Variants in CHD1L observed in about 807,000 individuals in gnomAD.
CHD1L encodes ATP-dependent chromatin remodeler CHD1L.
In CHD1L, 118 loss-of-function variants were observed where a neutral mutation model predicts 115.9. The ratio of observed to expected loss-of-function variants is 1.02; its 90% confidence interval spans 0.88 to 1.19. The LOEUF is 1.19. Among genes scored for constraint, CHD1L ranks in the 50% most tolerant of loss-of-function variants. The pLI is 0.00. For missense variants in CHD1L, 1,179 were observed against 1,065.3 expected (o/e 1.11, Z -1.49); for synonymous variants, 411 against 387.1 (o/e 1.06, Z -0.72).
At chr1:147,276,905 C>G (rs1197907951) in intron 14 of CHD1L, among the ~76,000 whole-genome samples, 3 of 152,160 alleles carry the variant, frequency 2.0e-5, no homozygotes, top group African/African-American at 7.2e-5. Flanking sequence ...AAGAGACCAA[C>G]TCCTAGGATA....
chr1:147,219,398 C>CTT, the CHD1L span, among the ~76,000 whole-genome samples: 1 of 151,830 alleles, frequency 6.6e-6, no homozygotes, highest in Non-Finnish European at 1.5e-5. Context: ...CTTTCTTTTT[C>CTT]TTTTATTTTT....
At position 147,295,334 on chromosome 1, in the gene CHD1L, T is replaced by G. The variant is rs1473459686; in HGVS notation, c.2616-97T>G. Reference sequence around the variant, plus strand: ...CGTGAGAGAATTAAAGCATACTACTTCTAGAACAGTTATTTCAATAATTAC... The same window carrying G: ...CGTGAGAGAATTAAAGCATACTACTGCTAGAACAGTTATTTCAATAATTAC... On this transcript the variant is annotated intron_variant, in intron 22 of 22. Coordinates refer to ENST00000369258, the MANE Select transcript of CHD1L (RefSeq NM_004284.6). 3 of 808,050 alleles carry G rather than the reference T, an allele frequency of 3.7e-6. No individual in the cohort carries two copies. In the East Asian group the frequency reaches 7.3e-5, roughly 20 times the overall value. The allele number at this position is 808,050 out of a possible 1,614,324, so 50.1% of individuals were successfully genotyped here.
At chr1:147,223,064 A>G in the CHD1L span, among the ~76,000 whole-genome samples, 2 of 152,238 alleles carry the variant, frequency 1.3e-5, no homozygotes, top group African/African-American at 4.8e-5. Flanking sequence ...AGTGGATACT[A>G]TTATTATCCA....
chr1:147,213,483 G>C, the CHD1L span: 2 of 1,590,092 alleles, frequency 1.3e-6, no homozygotes, highest in Non-Finnish European at 1.7e-6. Flanking sequence ...GAAAAGAAAA[G>C]TGATAACCAC....
At chr1:147,284,094 T>G (rs187380012) in intron 15 of CHD1L, among the ~76,000 whole-genome samples, 21 of 152,282 alleles carry the variant, frequency 1.4e-4, no homozygotes, top group African/African-American at 4.8e-4. Flanking sequence ...CAGCAGAGAT[T>G]CACAAACCAT....
the CHD1L span, chr1:147,201,118 A>T: frequency 6.9e-7 from 1 of 1,449,606 alleles, no homozygotes; most frequent in African/African-American, 1.4e-5. Context: ...CATATCACCA[A>T]GTAATTAAGT....
At position 147,271,046 on chromosome 1, in the gene CHD1L, G is replaced by A. The variant is rs782015466; in HGVS notation, c.1159+41G>A. 8.1e-6 allele frequency: 12 copies of A among 1,483,946 alleles called. No individual in the cohort carries two copies. In the South Asian group the frequency reaches 1.2e-4, roughly 15 times the overall value. 91.9% of individuals were successfully genotyped at this position (1,483,946 alleles called of 1,614,324 possible). A position where few individuals can be genotyped will look rare whatever the true frequency, so the allele number is the denominator to read the frequency against. On this transcript the variant is annotated intron_variant, in intron 11 of 22. Transcript: ENST00000369258. The stretch of plus-strand genomic sequence containing the variant: ...CACTACATTACCTAAGGCTCTGTTA[G>A]ACTTAACAGTCCAGATAGGTCCATG...
chr1:147,195,415 GAGCCACCATGCCC>G, the CHD1L span, among the ~76,000 whole-genome samples: 1 of 151,748 alleles, frequency 6.6e-6, no homozygotes, highest in Admixed American at 6.6e-5. Flanking sequence ...TTACAGGCAT[GAGCCACCATGCCC>G]AGCCAAAATA....
At chr1:147,227,444 C>T in the CHD1L span, among the ~76,000 whole-genome samples, 1 of 152,164 alleles carries the variant, frequency 6.6e-6, no homozygotes, top group East Asian at 1.9e-4. Context: ...TTTTAATGTC[C>T]CCCTACTTCA....
chr1:147,254,754 C>T (rs1361916661), intron 2 of CHD1L, 116 bp from the exon 3 acceptor site: 1 of 613,952 alleles, frequency 1.6e-6, no homozygotes, highest in Non-Finnish European at 2.7e-6. Context: ...TACAATATTT[C>T]TTTGTAAAAC....
At chr1:147,237,831 G>C (rs1664632520), upstream of CHD1L, among the ~76,000 whole-genome samples, 1 of 152,144 alleles carries the variant, frequency 6.6e-6, no homozygotes, top group Admixed American at 6.5e-5. Context: ...CAGTCAAAAG[G>C]CATCCAGTTA....
At chr1:147,282,855 G>GA (rs1182361127) in intron 15 of CHD1L, among the ~76,000 whole-genome samples, 2 of 152,106 alleles carry the variant, frequency 1.3e-5, no homozygotes, top group Admixed American at 6.5e-5. Context: ...CCAACTGCCA[G>GA]AAAAAATCCC....
At chr1:147,291,239 G>A (rs782077902) in intron 19 of CHD1L, among the ~76,000 whole-genome samples, 1 of 152,134 alleles carries the variant, frequency 6.6e-6, no homozygotes, top group Non-Finnish European at 1.5e-5. Context: ...ACTTTCTGAT[G>A]TCTACAGGGG....
In CHD1L at chr1:147,276,261, T is replaced by G. The variant is rs782649922; in HGVS notation, c.1539+4T>G. On this transcript the variant is annotated splice_donor_region_variant and intron_variant, in intron 14 of 22. Transcript: ENST00000369258. ...CGCTGCCGATGCTGACCTCCAGGTA[T>G]GATATGATATACTGTTCTTCACTTT... The G allele has an allele frequency of 3.1e-6, 5 of 1,613,942 alleles. No homozygotes were observed. Among genetic ancestry groups the G allele is most frequent in the Non-Finnish European group, 3.4e-6 (4 of 1,179,930 alleles).
the CHD1L span, chr1:147,215,836 T>C: frequency 1.9e-6 from 3 of 1,613,472 alleles, no homozygotes; most frequent in Non-Finnish European, 2.5e-6. Flanking sequence ...ATGCATGAAG[T>C]TGGGATAATG....
intron 1 of CHD1L, among the ~76,000 whole-genome samples, chr1:147,244,640 G>A (rs1395887652): frequency 1.3e-5 from 2 of 152,078 alleles, no homozygotes; most frequent in Non-Finnish European, 2.9e-5. Flanking sequence ...TTCTGGTGGA[G>A]GGGGAAGGTG....
chr1:147,295,151 A>G (rs963687677), intron 22 of CHD1L, among the ~76,000 whole-genome samples: 1 of 152,216 alleles, frequency 6.6e-6, no homozygotes, highest in Non-Finnish European at 1.5e-5. Context: ...TTTGACTGAA[A>G]TTCACTCAGT....
chr1:147,240,994 C>T (rs1664813632), upstream of CHD1L, among the ~76,000 whole-genome samples: 2 of 151,724 alleles, frequency 1.3e-5, no homozygotes, highest in South Asian at 4.2e-4. Context: ...CTCTGTGTCT[C>T]TTTTTTTTCT....
the CHD1L span, among the ~76,000 whole-genome samples, chr1:147,222,736 A>T: frequency 3.3e-5 from 5 of 152,368 alleles, no homozygotes; most frequent in South Asian, 1.0e-3. Flanking sequence ...AATTTTGCCA[A>T]GTGGATAATC....
Sources: allele counts gnomAD v4.1 joint callset (sites outside exome capture counted in the v4.1 genomes callset), GRCh38; gene constraint gnomAD v4.1.1; transcripts MANE v1.5; gene names NCBI Gene and HGNC (gene_info 2026-07-23, HGNC 2026-07-21).